The following ZNF536 variants were observed in gnomAD, a reference collection of about 807,000 sequenced individuals.
The protein encoded by ZNF536 is zinc finger protein 536.
Under a neutral mutation model 84.5 loss-of-function variants are expected in ZNF536, and 13 were observed. The observed-to-expected ratio is 0.15, with a 90% CI of 0.10 to 0.24. The LOEUF is 0.24. Among genes scored for constraint, ZNF536 ranks in the 10% least tolerant of loss-of-function variants. The pLI is 1.00. For synonymous variants in ZNF536, 811 were observed against 742.5 expected (o/e 1.09, Z -1.50); for missense variants, 1,536 against 1,747.5 (o/e 0.88, Z 2.16).
At chr19:30,312,007 G>A (rs1177984964) in intron 2 of ZNF536, among the ~76,000 whole-genome samples, 2 of 152,216 alleles carry the variant, frequency 1.3e-5, no homozygotes, top group Admixed American at 6.5e-5. Flanking sequence ...GTTGGAGGCT[G>A]CAGTGAGCTC....
At chr19:30,301,328 T>G (rs1282886884) in intron 2 of ZNF536, among the ~76,000 whole-genome samples, 1 of 152,224 alleles carries the variant, frequency 6.6e-6, no homozygotes, top group Non-Finnish European at 1.5e-5. Context: ...ACTGTGCCTC[T>G]GAGCCTCAGT....
intron 1 of ZNF536, among the ~76,000 whole-genome samples, chr19:30,259,420 G>A (rs1442961669): frequency 2.0e-5 from 3 of 152,196 alleles, no homozygotes; most frequent in Non-Finnish European, 4.4e-5. Context: ...AACAGCATGG[G>A]CGTCACCAGG....
In ZNF536 at chr19:30,268,311, G is replaced by A. The variant is rs191534950; in HGVS notation, c.-189-15761G>A. The stretch of plus-strand genomic sequence containing the variant: ...GACCACCCAATCAGAGTTCAGCTGT[G>A]CATCTGTGGTCAGTGCTATTAGTCC... On this transcript the variant is annotated intron_variant, in intron 1 of 5. Coordinates refer to the ZNF536 transcript ENST00000585628. Among the ~76,000 whole-genome samples the A allele has an allele frequency of 3.3e-3, 509 of 152,242 alleles. 4 individuals are homozygous for A. Among genetic ancestry groups the A allele is most frequent in the African/African-American group, 0.012 (500 of 41,534 alleles).
intron 2 of ZNF536, among the ~76,000 whole-genome samples, chr19:30,513,397 C>T (rs2055500243): frequency 6.6e-6 from 1 of 152,106 alleles, no homozygotes. Context: ...CAGCAGGCAC[C>T]TTTTTCTGGT....
chr19:30,257,791 C>T (rs918663219), intron 1 of ZNF536, among the ~76,000 whole-genome samples: 1 of 152,192 alleles, frequency 6.6e-6, no homozygotes, highest in Middle Eastern at 3.2e-3. Context: ...TGCTCCTGGG[C>T]GGACCCATTG....
chr19:30,473,659 G>C (rs1016907245), intron 2 of ZNF536, among the ~76,000 whole-genome samples: 2 of 152,178 alleles, frequency 1.3e-5, no homozygotes, highest in Non-Finnish European at 2.9e-5. Flanking sequence ...CCTTGGAGCC[G>C]CTACAATGTA....
In ZNF536 at chr19:30,564,416, GGA is replaced by G. The variant is rs370641108; in HGVS notation, c.169+14915_169+14916del. On this transcript the variant is annotated intron_variant, in intron 1 of 1. Coordinates refer to the ZNF536 transcript ENST00000592773. ...AAAGAGTGGAAGAAATGGGTAAAGA[GGA>G]GAGAGAGAGAGAAGGCCAGCAGAAA... Among the ~76,000 whole-genome samples the G allele has an allele frequency of 1.6e-4, 25 of 152,022 alleles. No homozygotes were observed. The East Asian group carries it at 4.3e-3, about 26-fold the overall frequency.
At chr19:30,622,178 GT>G (rs1248218184) in intron 1 of ZNF536, among the ~76,000 whole-genome samples, 28 of 152,354 alleles carry the variant, frequency 1.8e-4, no homozygotes, top group Non-Finnish European at 3.7e-4. Context: ...TTATTTGGGT[GT>G]TTTGGGCAAT....
At chr19:30,503,235 C>T (rs531366039) in intron 2 of ZNF536, among the ~76,000 whole-genome samples, 1 of 152,118 alleles carries the variant, frequency 6.6e-6, no homozygotes, top group South Asian at 2.1e-4. Context: ...CAAATGTTTG[C>T]TAAATACATG....
Position 30,575,153 on chromosome 19 carries a change from C to A in ZNF536, c.169+25639C>A, listed in dbSNP as rs555678793. On this transcript the variant is annotated intron_variant, in intron 1 of 1. Transcript: ENST00000592773. ...TCATTCATTCATTCATTCATTCATTCAGCAAGCAAGCATTGATGGAACATC... is the reference window on the plus strand; with the variant it reads ...TCATTCATTCATTCATTCATTCATTAAGCAAGCAAGCATTGATGGAACATC... Among the ~76,000 whole-genome samples, 47 of 152,302 alleles carry A rather than the reference C, an allele frequency of 3.1e-4. 1 individual carries two copies. Among genetic ancestry groups the A allele is most frequent in the Middle Eastern group, 3.4e-3 (1 of 294 alleles).
At chr19:30,629,496 T>C (rs1053471813) in intron 1 of ZNF536, among the ~76,000 whole-genome samples, 2 of 152,230 alleles carry the variant, frequency 1.3e-5, no homozygotes, top group African/African-American at 2.4e-5. Flanking sequence ...ATGCCCAGCC[T>C]GATAATTGCC....
At chr19:30,680,783 G>C (rs1237659745) in intron 1 of ZNF536, among the ~76,000 whole-genome samples, 1 of 152,088 alleles carries the variant, frequency 6.6e-6, no homozygotes, top group African/African-American at 2.4e-5. Flanking sequence ...TGGGATGGCT[G>C]GGTCAAATGG....
intron 1 of ZNF536, among the ~76,000 whole-genome samples, chr19:30,642,665 C>T: frequency 6.6e-6 from 1 of 152,094 alleles, no homozygotes; most frequent in Non-Finnish European, 1.5e-5. Context: ...TGCAGGAGGT[C>T]CTCGACTCTA....
intron 1 of ZNF536, among the ~76,000 whole-genome samples, chr19:30,375,052 A>AT (rs1009074237): frequency 3.3e-5 from 5 of 151,772 alleles, no homozygotes; most frequent in African/African-American, 1.2e-4. Context: ...ACATGATGGC[A>AT]TTAATAATCG....
chr19:30,708,252 G>A (rs2052327238), intron 1 of ZNF536, among the ~76,000 whole-genome samples: 1 of 152,136 alleles, frequency 6.6e-6, no homozygotes, highest in African/African-American at 2.4e-5. Context: ...TAGAGAAGTG[G>A]GTTTGAGCCT....
At chr19:30,671,563 G>T (rs2050552426) in intron 1 of ZNF536, among the ~76,000 whole-genome samples, 1 of 152,132 alleles carries the variant, frequency 6.6e-6, no homozygotes, top group Non-Finnish European at 1.5e-5. Context: ...GGGGAAGCGG[G>T]GCAGGGGTGG....
intron 1 of ZNF536, among the ~76,000 whole-genome samples, chr19:30,273,916 C>A (rs1052175151): frequency 2.6e-5 from 4 of 152,108 alleles, no homozygotes; most frequent in African/African-American, 9.7e-5. Context: ...CATATATGTG[C>A]AAGAATGGAA....
intron 2 of ZNF536, among the ~76,000 whole-genome samples, chr19:30,479,350 A>G (rs2053977549): frequency 6.6e-6 from 1 of 152,130 alleles, no homozygotes; most frequent in African/African-American, 2.4e-5. Flanking sequence ...AGCAGCCTTC[A>G]TTTTGTCCAA....
intron 1 of ZNF536, among the ~76,000 whole-genome samples, chr19:30,262,454 C>A (rs1350519131): frequency 6.6e-6 from 1 of 152,214 alleles, no homozygotes; most frequent in African/African-American, 2.4e-5. Context: ...TGATGGCAGT[C>A]TTTGCTCCTG....
Sources: allele counts gnomAD v4.1 joint callset (sites outside exome capture counted in the v4.1 genomes callset), GRCh38; gene constraint gnomAD v4.1.1; transcripts MANE v1.5; gene names NCBI Gene and HGNC (gene_info 2026-07-23, HGNC 2026-07-21).